The following TSPEAR variants were observed in gnomAD, a reference collection of about 807,000 sequenced individuals.
TSPEAR encodes the protein thrombospondin-type laminin G domain and EAR repeat-containing protein.
TSPEAR carries 69 observed loss-of-function variants against 71.6 expected under a neutral mutation model. The ratio of observed to expected loss-of-function variants is 0.96; its 90% CI spans 0.79 to 1.18. TSPEAR has a LOEUF of 1.18. TSPEAR is among the 50% of genes most tolerant of loss of function. The pLI is 0.00. For missense variants in TSPEAR, 971 were observed against 894.9 expected, an observed-to-expected ratio of 1.09 and a Z score of -1.09; for synonymous variants, 402 against 387.2, an observed-to-expected ratio of 1.04 and a Z score of -0.45.
At chr21:44,701,311 T>C (rs539828013) in intron 1 of TSPEAR, among the ~76,000 whole-genome samples, 3 of 152,282 alleles carry the variant, frequency 2.0e-5, no homozygotes, top group Admixed American at 6.5e-5. Context: ...TTCTTGCTGA[T>C]TTACAGTCAT....
chr21:44,697,633 C>T, intron 1 of TSPEAR: 1 of 1,613,988 alleles, frequency 6.2e-7, no homozygotes, highest in Non-Finnish European at 8.5e-7. Flanking sequence ...GCTGCATCTC[C>T]TCCCCGTGTC....
chr21:44,638,094 G>C (rs948259447), intron 1 of TSPEAR: 6 of 1,613,432 alleles, frequency 3.7e-6, no homozygotes, highest in East Asian at 4.5e-5. Flanking sequence ...ACGGCCTCCT[G>C]TGTTTCCCTC....
intron 1 of TSPEAR, among the ~76,000 whole-genome samples, chr21:44,657,269 A>G (rs1985206605): frequency 2.0e-5 from 3 of 152,190 alleles, no homozygotes; most frequent in Admixed American, 2.0e-4. Flanking sequence ...TGAGGCCAAG[A>G]CCTCGTTGCT....
In TSPEAR at chr21:44,612,129, A is replaced by G. The variant is rs781902559; in HGVS notation, c.83-44124T>C. 2.1e-5 allele frequency: 34 copies of G among 1,613,932 alleles called. No homozygotes were observed. The highest frequency in any genetic ancestry group is 2.9e-5 in the Non-Finnish European group (34 of 1,180,000). The stretch of plus-strand genomic sequence containing the variant: ...GCTGACGCCTGCTGCACCAGGACGT[A>G]TGTGATTGCTGCATCCACCATGTCT... On this transcript the variant is annotated intron_variant, in intron 1 of 11. Transcript: ENST00000323084. The surrounding 1 kb of genome is among the most constrained non-coding windows in gnomAD (Gnocchi z 4.1).
intron 1 of TSPEAR, among the ~76,000 whole-genome samples, chr21:44,607,190 G>T (rs1216753092): frequency 2.6e-5 from 4 of 152,002 alleles, no homozygotes; most frequent in African/African-American, 9.7e-5. Context: ...AGCAATTCTT[G>T]TGCCTCAGCC....
intron 1 of TSPEAR, among the ~76,000 whole-genome samples, chr21:44,609,870 G>A (rs1276441668): frequency 1.3e-5 from 2 of 152,162 alleles, no homozygotes; most frequent in Non-Finnish European, 2.9e-5. Context: ...TTCTGAGGAT[G>A]GGAAGGGGGA....
intron 1 of TSPEAR, among the ~76,000 whole-genome samples, chr21:44,597,297 A>T (rs1025016949): frequency 6.6e-6 from 1 of 151,806 alleles, no homozygotes; most frequent in Admixed American, 6.6e-5. Context: ...TTCTTTCTTC[A>T]TCTCTATTGC....
chr21:44,624,696 C>T (rs1982656175), intron 1 of TSPEAR, among the ~76,000 whole-genome samples: 1 of 152,078 alleles, frequency 6.6e-6, no homozygotes, highest in African/African-American at 2.4e-5. Flanking sequence ...GTTGTTTTAC[C>T]AGAATCCCTC....
At chr21:44,581,610 A>G (rs1555925147) in intron 1 of TSPEAR, among the ~76,000 whole-genome samples, 1 of 152,048 alleles carries the variant, frequency 6.6e-6, no homozygotes, top group Non-Finnish European at 1.5e-5. Flanking sequence ...CGTGTGCATT[A>G]TTTTACTTTC....
intron 8 of TSPEAR, 128 bp downstream of exon 8, chr21:44,525,525 A>G (rs2052836818): frequency 9.7e-7 from 1 of 1,036,248 alleles, no homozygotes. Flanking sequence ...AACGGTCCAG[A>G]ACGCATGTTC....
At chr21:44,589,796 T>G (rs1979635776) in intron 1 of TSPEAR, among the ~76,000 whole-genome samples, 1 of 152,232 alleles carries the variant, frequency 6.6e-6, no homozygotes, top group African/African-American at 2.4e-5. Flanking sequence ...CTCTCTGTTC[T>G]GACCTTGTAG....
intron 3 of TSPEAR, among the ~76,000 whole-genome samples, chr21:44,533,404 C>G (rs996853625): frequency 1.3e-5 from 2 of 152,096 alleles, no homozygotes; most frequent in Non-Finnish European, 2.9e-5. Flanking sequence ...GCTCCTGCCC[C>G]GTGGATGGCT....
At chr21:44,553,800 G>T (rs587642091) in intron 2 of TSPEAR, among the ~76,000 whole-genome samples, 1 of 152,098 alleles carries the variant, frequency 6.6e-6, no homozygotes, top group South Asian at 2.1e-4. Flanking sequence ...AATAATACAC[G>T]ATCTGGAAAT....
intron 1 of TSPEAR, among the ~76,000 whole-genome samples, chr21:44,674,758 G>A (rs868961051): frequency 3.8e-4 from 56 of 148,106 alleles, no homozygotes; most frequent in Middle Eastern, 3.5e-3. Context: ...GTGTGTGTGT[G>A]TGTGTGTGTG....
At chr21:44,575,202 T>C in intron 1 of TSPEAR, 1 of 674,296 alleles carries the variant, frequency 1.5e-6, no homozygotes, top group Non-Finnish European at 2.5e-6. Flanking sequence ...AGGGGGGCGC[T>C]TCTAGAAAGT....
chr21:44,543,102 G>A (rs1433306954), intron 2 of TSPEAR, among the ~76,000 whole-genome samples: 1 of 152,088 alleles, frequency 6.6e-6, no homozygotes, highest in Non-Finnish European at 1.5e-5. Flanking sequence ...GAGAGGATAT[G>A]TCACCAGCAG....
At position 44,520,245 on chromosome 21, in the gene TSPEAR, G is replaced by A. The variant is rs1229196547; in HGVS notation, c.1566+1638C>T. The stretch of plus-strand genomic sequence containing the variant: ...TCAACCCCACAAGGGCAGGCTTCAC[G>A]TTTCACTTGCAGCCTGTGGCTCTGG... On this transcript the variant is annotated intron_variant, in intron 9 of 11. Transcript: ENST00000323084. The surrounding 1 kb of genome is among the most constrained non-coding windows in gnomAD (Gnocchi z 4.2). The A allele has an allele frequency of 6.6e-6, 1 of 152,108 alleles. No individual in the cohort carries two copies. Among genetic ancestry groups the A allele is most frequent in the Non-Finnish European group, 1.5e-5 (1 of 68,028 alleles). The allele number at this position is 152,108 out of a possible 1,614,324, so 9.4% of individuals were successfully genotyped here. A position where few individuals can be genotyped will look rare whatever the true frequency, so the allele number is the denominator to read the frequency against.
intron 1 of TSPEAR, among the ~76,000 whole-genome samples, chr21:44,624,192 C>T (rs1171633153): frequency 7.9e-5 from 12 of 152,164 alleles, no homozygotes; most frequent in Non-Finnish European, 1.6e-4. Context: ...TGTTGTCTAG[C>T]TAATCTACTT....
At chr21:44,611,392 T>C (rs1470955264) in intron 1 of TSPEAR, among the ~76,000 whole-genome samples, 1 of 152,152 alleles carries the variant, frequency 6.6e-6, no homozygotes, top group Admixed American at 6.5e-5. Context: ...CTGCTTTTGC[T>C]TCTTCCTCAT....
Sources: allele counts gnomAD v4.1 joint callset (sites outside exome capture counted in the v4.1 genomes callset), GRCh38; gene constraint gnomAD v4.1.1; non-coding constraint Gnocchi (gnomAD v3.1); transcripts MANE v1.5; gene names NCBI Gene and HGNC (gene_info 2026-07-23, HGNC 2026-07-21).